The following ADGRB3 variants were observed in gnomAD, a reference collection of about 807,000 sequenced individuals.
ADGRB3 encodes the protein brain-specific angiogenesis inhibitor 3.
Under a neutral mutation model 193.4 loss-of-function variants are expected in ADGRB3, and 37 were observed. The observed-to-expected ratio is 0.19, with a 90% CI of 0.15 to 0.25. The LOEUF (loss-of-function observed/expected upper bound fraction) is 0.25, where lower values mean the gene tolerates loss of function less well. Ranked by LOEUF, ADGRB3 falls within the 10% of genes least tolerant of loss-of-function variation. The pLI is 1.00. For missense variants in ADGRB3, 1,637 were observed against 1,852.9 expected, an observed-to-expected ratio of 0.88 and a Z score of 2.14; for synonymous variants, 690 against 644.2, an observed-to-expected ratio of 1.07 and a Z score of -1.08.
At chr6:68,883,926 TTAA>T (rs1261395584) in intron 3 of ADGRB3, among the ~76,000 whole-genome samples, 2 of 152,206 alleles carry the variant, frequency 1.3e-5, no homozygotes, top group African/African-American at 2.4e-5. Context: ...AGGCTTGAAC[TTAA>T]TAATTTAAGG....
intron 3 of ADGRB3, among the ~76,000 whole-genome samples, chr6:68,650,335 T>A (rs554696212): frequency 7.2e-5 from 11 of 152,224 alleles, no homozygotes; most frequent in Admixed American, 2.0e-4. Flanking sequence ...TATTTATCTG[T>A]TGGTTTTTTT....
chr6:68,690,356 G>A (rs910407425), intron 3 of ADGRB3, among the ~76,000 whole-genome samples: 3 of 152,022 alleles, frequency 2.0e-5, no homozygotes, highest in Non-Finnish European at 4.4e-5. Context: ...TGGAAACACA[G>A]ACTAAAATAT....
chr6:69,343,101 G>T (rs867663858), intron 26 of ADGRB3, among the ~76,000 whole-genome samples: 92 of 150,920 alleles, frequency 6.1e-4, no homozygotes, highest in African/African-American at 2.2e-3. Flanking sequence ...CTATAACTGT[G>T]ATATTTTTAA....
intron 13 of ADGRB3, among the ~76,000 whole-genome samples, chr6:69,045,026 T>G (rs1007907787): frequency 2.6e-5 from 4 of 152,208 alleles, no homozygotes; most frequent in African/African-American, 9.6e-5. Context: ...GAGGCACATA[T>G]TTACTTACAT....
chr6:69,339,223 A>G, intron 25 of ADGRB3, 110 bp from the exon 26 acceptor site: 1 of 1,367,344 alleles, frequency 7.3e-7, no homozygotes, highest in Non-Finnish European at 1.0e-6. Context: ...TGTGGTTTCC[A>G]AGTTAATGGT....
intron 17 of ADGRB3, among the ~76,000 whole-genome samples, chr6:69,189,831 A>G (rs1299854703): frequency 6.6e-6 from 1 of 152,188 alleles, no homozygotes; most frequent in African/African-American, 2.4e-5. Context: ...TAACCGTAGT[A>G]ATGTTGTATA....
intron 14 of ADGRB3, among the ~76,000 whole-genome samples, chr6:69,048,640 C>A (rs1771305585): frequency 6.6e-6 from 1 of 151,878 alleles, no homozygotes; most frequent in Non-Finnish European, 1.5e-5. Flanking sequence ...AATATTTTAC[C>A]TTTAGCTATT....
At chr6:68,785,608 T>C (rs1473434110) in intron 3 of ADGRB3, among the ~76,000 whole-genome samples, 1 of 151,988 alleles carries the variant, frequency 6.6e-6, no homozygotes, top group Non-Finnish European at 1.5e-5. Context: ...ATAGTGCCGC[T>C]ATAAACATAC....
chr6:68,816,319 T>C (rs1767630287), intron 3 of ADGRB3, among the ~76,000 whole-genome samples: 2 of 151,718 alleles, frequency 1.3e-5, no homozygotes, highest in Admixed American at 1.3e-4. Flanking sequence ...TAAGAATCTG[T>C]ACTGAGTTAT....
chr6:69,357,707 T>C (rs1330208057), intron 28 of ADGRB3, among the ~76,000 whole-genome samples: 3 of 151,912 alleles, frequency 2.0e-5, no homozygotes, highest in Non-Finnish European at 4.4e-5. Flanking sequence ...ATACTCTATG[T>C]AGAGTATGGT....
At chr6:68,888,985 A>G (rs968411639) in intron 3 of ADGRB3, among the ~76,000 whole-genome samples, 5 of 152,198 alleles carry the variant, frequency 3.3e-5, no homozygotes, top group African/African-American at 1.2e-4. Context: ...TGGGAAACAT[A>G]AAAGTTATGT....
chr6:68,660,930 G>T (rs1026577345), intron 3 of ADGRB3, among the ~76,000 whole-genome samples: 3 of 150,452 alleles, frequency 2.0e-5, no homozygotes, highest in Non-Finnish European at 3.0e-5. Context: ...ATGATTCTTA[G>T]TGTTTTCCTT....
In ADGRB3 at chr6:68,794,126, T is replaced by C. The variant is rs193018170; in HGVS notation, c.758-136433T>C. On this transcript the variant is annotated intron_variant, in intron 3 of 31. Transcript: ENST00000370598. Reference sequence around the variant, plus strand: ...ATATGTGCTTTCATACTGTCTATAATATAACCAAATCAACATTGGAGCTCG... The same window carrying C: ...ATATGTGCTTTCATACTGTCTATAACATAACCAAATCAACATTGGAGCTCG... Among the ~76,000 whole-genome samples, 158 of 152,258 alleles carry C rather than the reference T, an allele frequency of 1.0e-3. 1 individual carries two copies. Among genetic ancestry groups the C allele is most frequent in the Middle Eastern group, 0.01 (3 of 294 alleles).
chr6:69,083,771 CTTTTT>C (rs35483512), intron 17 of ADGRB3, among the ~76,000 whole-genome samples: 3 of 102,230 alleles, frequency 2.9e-5, no homozygotes. Context: ...TTAACTGTTA[CTTTTT>C]TTTTTTTTTT....
intron 23 of ADGRB3, chr6:69,331,700 C>T: frequency 1.0e-6 from 1 of 985,290 alleles, no homozygotes; most frequent in Non-Finnish European, 1.2e-6. Context: ...AACTATTTCC[C>T]TAAGCTTCTA....
chr6:68,697,680 A>G (rs573129383), intron 3 of ADGRB3, among the ~76,000 whole-genome samples: 6 of 152,056 alleles, frequency 3.9e-5, no homozygotes, highest in African/African-American at 1.4e-4. Context: ...CACTCATTTT[A>G]ATAGGGGCAA....
At chr6:68,851,188 G>A (rs1335421837) in intron 3 of ADGRB3, among the ~76,000 whole-genome samples, 1 of 151,756 alleles carries the variant, frequency 6.6e-6, no homozygotes, top group African/African-American at 2.4e-5. Flanking sequence ...TTCTTTCAAG[G>A]CTGCAGTTTG....
intron 3 of ADGRB3, among the ~76,000 whole-genome samples, chr6:68,776,028 T>C (rs1191597580): frequency 6.6e-6 from 1 of 152,168 alleles, no homozygotes; most frequent in East Asian, 1.9e-4. Flanking sequence ...TTAAGGTGAC[T>C]GAGAATTTTC....
At chr6:68,772,891 AAAAATATATATATATATATATAT>A (rs1247408396) in intron 3 of ADGRB3, among the ~76,000 whole-genome samples, 2,660 of 35,882 alleles carry the variant, frequency 0.074, 177 homozygotes, top group South Asian at 0.17. Flanking sequence ...ACAAAAAAAA[AAAAATATATATATATATATATAT>A]ATATATATAT....
Sources: allele counts gnomAD v4.1 joint callset (sites outside exome capture counted in the v4.1 genomes callset), GRCh38; gene constraint gnomAD v4.1.1; transcripts MANE v1.5; gene names NCBI Gene and HGNC (gene_info 2026-07-23, HGNC 2026-07-21).